The following CDON variants were observed in gnomAD, a reference collection of about 807,000 sequenced individuals.
CDON encodes the protein cell adhesion molecule-related/down-regulated by oncogenes.
In CDON, 73 loss-of-function variants were observed where a neutral mutation model predicts 120.9. The ratio of observed to expected loss-of-function variants is 0.60; its 90% CI spans 0.50 to 0.73. The LOEUF (loss-of-function observed/expected upper bound fraction) is 0.73. Ranked by LOEUF, CDON falls within the 30% of genes least tolerant of loss-of-function variation. The pLI is 0.00. For missense variants in CDON, 1,470 were observed against 1,587.3 expected, an observed-to-expected ratio of 0.93 and a Z score of 1.26; for synonymous variants, 566 against 573.5, an observed-to-expected ratio of 0.99 and a Z score of 0.19.
At chr11:125,963,310 C>T (rs548643154) in intron 18 of CDON, among the ~76,000 whole-genome samples, 5 of 152,088 alleles carry the variant, frequency 3.3e-5, no homozygotes, top group African/African-American at 1.2e-4. Context: ...ACTTTTTTTC[C>T]CCCCTATAAT....
intron 1 of CDON, among the ~76,000 whole-genome samples, chr11:126,039,047 T>C (rs1377758435): frequency 6.6e-6 from 1 of 152,208 alleles, no homozygotes; most frequent in Non-Finnish European, 1.5e-5. Context: ...ACAATGAATG[T>C]GCCCCTAAAA....
intron 1 of CDON, among the ~76,000 whole-genome samples, chr11:126,027,427 G>C (rs1032619677): frequency 1.3e-5 from 2 of 152,078 alleles, no homozygotes; most frequent in Non-Finnish European, 1.5e-5. Context: ...TATCAAAAAA[G>C]AAACCCTTAA....
chr11:125,984,367 TG>T (rs1946400658), intron 15 of CDON, among the ~76,000 whole-genome samples: 1 of 152,252 alleles, frequency 6.6e-6, no homozygotes, highest in South Asian at 2.1e-4. Context: ...TCTGCTTAAC[TG>T]TACTTGGAGA....
intron 1 of CDON, among the ~76,000 whole-genome samples, chr11:126,042,823 G>A (rs368569130): frequency 4.6e-5 from 7 of 152,046 alleles, no homozygotes; most frequent in East Asian, 1.9e-4. Context: ...GGGTTTCACC[G>A]TGTTGCGAAG....
chr11:126,004,611 A>C (rs550790452), intron 9 of CDON, among the ~76,000 whole-genome samples: 1 of 152,320 alleles, frequency 6.6e-6, no homozygotes, highest in East Asian at 1.9e-4. Flanking sequence ...TTTCTTGATT[A>C]ATGGAACCAA....
chr11:126,031,913 G>C (rs1040778292), intron 1 of CDON, among the ~76,000 whole-genome samples: 6 of 152,110 alleles, frequency 3.9e-5, no homozygotes, highest in Admixed American at 3.9e-4. Context: ...TAAACTCAGT[G>C]CATTTTATTT....
chr11:126,022,628 T>C (rs950409565), intron 2 of CDON, among the ~76,000 whole-genome samples: 3 of 152,166 alleles, frequency 2.0e-5, no homozygotes, highest in African/African-American at 7.2e-5. Flanking sequence ...CTATAGAATA[T>C]TTAATCAGAA....
At chr11:126,035,355 T>A (rs758260620) in intron 1 of CDON, among the ~76,000 whole-genome samples, 22 of 152,208 alleles carry the variant, frequency 1.4e-4, no homozygotes, top group Non-Finnish European at 2.9e-4. Context: ...TATCTTACCG[T>A]CAAGTTACGA....
intron 18 of CDON, among the ~76,000 whole-genome samples, chr11:125,965,265 T>C (rs902466830): frequency 5.9e-5 from 9 of 152,244 alleles, no homozygotes; most frequent in African/African-American, 2.2e-4. Flanking sequence ...TCCTGACTTC[T>C]GGCTATGGCT....
intron 1 of CDON, among the ~76,000 whole-genome samples, chr11:126,052,892 GTTAGGTAT>G (rs1948600063): frequency 6.6e-6 from 1 of 152,026 alleles, no homozygotes; most frequent in South Asian, 2.1e-4. Flanking sequence ...TTTAAATTGT[GTTAGGTAT>G]TATAAGTAAT....
At position 126,001,726 on chromosome 11, in the gene CDON, G is replaced by A; in HGVS notation, c.2151C>T (p.His717=). Residue 717 remains histidine (H), a synonymous_variant, in exon 11 of 20, where the codon CAC becomes CAT. Coordinates refer to ENST00000531738, the MANE Select transcript of CDON (RefSeq NM_001378964.1). The part of the protein sequence containing the change: ...FGVVLTDSSR[H]SGVPEAPDRP... ...AAATATTCTTCTTTTTACCTCCACTGTGCCTAGAGGAATCTGTAAGTACCA... is the reference window on the plus strand; with the variant it reads ...AAATATTCTTCTTTTTACCTCCACTATGCCTAGAGGAATCTGTAAGTACCA... The A allele has an allele frequency of 1.2e-6, 2 of 1,613,242 alleles. No homozygotes were observed. The highest frequency in any genetic ancestry group is 2.7e-5 in the African/African-American group (2 of 74,980).
At chr11:126,040,542 G>A (rs893841686) in intron 1 of CDON, among the ~76,000 whole-genome samples, 11 of 152,190 alleles carry the variant, frequency 7.2e-5, no homozygotes, top group East Asian at 1.9e-4. Context: ...AAGGCCGGGC[G>A]CGGTGGCTCA....
Position 125,960,682 on chromosome 11 carries a change from C to A in CDON, c.*260G>T, listed in dbSNP as rs1175195631. 4.2e-6 allele frequency: 2 copies of A among 474,142 alleles called. No homozygotes were observed. The highest frequency in any genetic ancestry group is 7.7e-6 in the Non-Finnish European group (2 of 260,534). 29.4% of individuals were successfully genotyped at this position (474,142 alleles called of 1,614,324 possible). A position where few individuals can be genotyped will look rare whatever the true frequency, so the allele number is the denominator to read the frequency against. ...AGAAAACATGGAAGGACCCCTCTGCCCTCCAGGTGACTGAATACTATGCAA... is the reference window on the plus strand; with the variant it reads ...AGAAAACATGGAAGGACCCCTCTGCACTCCAGGTGACTGAATACTATGCAA... On this transcript the variant is annotated 3_prime_UTR_variant, in exon 20 of 20. Transcript: ENST00000531738.
intron 14 of CDON, among the ~76,000 whole-genome samples, chr11:125,994,023 A>T (rs747949957): frequency 6.6e-6 from 1 of 152,214 alleles, no homozygotes; most frequent in South Asian, 2.1e-4. Context: ...ATGAAACAGA[A>T]ATCAAAATTT....
chr11:125,982,977 TC>T (rs1156256415), intron 16 of CDON, among the ~76,000 whole-genome samples: 6 of 152,112 alleles, frequency 3.9e-5, no homozygotes, highest in African/African-American at 1.4e-4. Context: ...CCACCATCTC[TC>T]CCCCTATCTC....
At chr11:126,023,092 G>A (rs11828463) in intron 2 of CDON, among the ~76,000 whole-genome samples, 3,610 of 152,036 alleles carry the variant, frequency 0.024, 147 homozygotes, top group African/African-American at 0.082. Context: ...TTCTTTCCAA[G>A]TTCAGAAATT....
intron 18 of CDON, among the ~76,000 whole-genome samples, chr11:125,966,061 C>T (rs1205233844): frequency 6.6e-6 from 1 of 151,436 alleles, no homozygotes; most frequent in Non-Finnish European, 1.5e-5. Flanking sequence ...CGCTTGAACC[C>T]GAGAGGCAGA....
At chr11:125,969,910 A>T (rs942946770) in intron 18 of CDON, among the ~76,000 whole-genome samples, 2 of 152,240 alleles carry the variant, frequency 1.3e-5, no homozygotes, top group Non-Finnish European at 2.9e-5. Flanking sequence ...ATATTCTTGT[A>T]AAACTATACA....
intron 10 of CDON, among the ~76,000 whole-genome samples, chr11:126,002,389 G>C (rs1157050160): frequency 6.6e-6 from 1 of 152,148 alleles, no homozygotes; most frequent in East Asian, 1.9e-4. Context: ...AAGATAGAAA[G>C]TACTCGTTAT....
Sources: gnomAD v4.1 joint callset for allele counts (sites outside exome capture counted in the v4.1 genomes callset) on GRCh38, gnomAD v4.1.1 for gene constraint, MANE v1.5 for transcripts, NCBI Gene and HGNC (gene_info 2026-07-23, HGNC 2026-07-21) for gene names.